The following MED23 variants were observed in gnomAD, a reference collection of about 807,000 sequenced individuals.
MED23 encodes mediator complex subunit 23.
A neutral mutation model predicts 163.9 loss-of-function variants in MED23; 105 were observed. The observed-to-expected ratio is 0.64, with a 90% CI of 0.55 to 0.75. MED23 has a LOEUF of 0.75. Among genes scored for constraint, MED23 ranks in the 30% least tolerant of loss-of-function variants. MED23 has a pLI of 0.00. For missense variants in MED23, 1,054 were observed against 1,649.0 expected, an observed-to-expected ratio of 0.64 and a Z score of 6.25; for synonymous variants, 561 against 565.6, an observed-to-expected ratio of 0.99 and a Z score of 0.12.
chr6:131,576,163 G>A (rs1001906565), intron 30 of MED23, among the ~76,000 whole-genome samples: 8 of 152,144 alleles, frequency 5.3e-5, no homozygotes, highest in Admixed American at 5.2e-4. Flanking sequence ...AGTGTTAAGG[G>A]CATCCTGTTT....
At chr6:131,603,229 T>A (rs757544386) in intron 15 of MED23, 25 bp from the exon 16 acceptor site, 1 of 1,608,840 alleles carries the variant, frequency 6.2e-7, no homozygotes, top group Non-Finnish European at 8.5e-7. Context: ...CAATTTAAGG[T>A]ACCAATTATT....
intron 11 of MED23, among the ~76,000 whole-genome samples, chr6:131,609,193 A>C (rs1776077166): frequency 6.6e-6 from 1 of 152,264 alleles, no homozygotes; most frequent in South Asian, 2.1e-4. Flanking sequence ...GCATTTTTCC[A>C]ACTTGCATAT....
chr6:131,586,875 T>C lies in MED23; in HGVS notation c.*804A>G. 6.9e-7 allele frequency: 1 copy of C among 1,454,530 alleles called. No individual in the cohort carries two copies. The highest frequency in any genetic ancestry group is 9.3e-7 in the Non-Finnish European group (1 of 1,075,590). 90.1% of individuals were successfully genotyped at this position (1,454,530 alleles called of 1,614,324 possible). On this transcript the variant is annotated 3_prime_UTR_variant, in exon 29 of 29. Transcript: ENST00000368068. ...GTGTACTGTATTTACAAATATAAAA[T>C]TTAAAAATTTTAAGATTATAAAAAT...
intron 13 of MED23, 106 bp downstream of exon 13, chr6:131,606,373 G>A: frequency 8.8e-7 from 1 of 1,136,688 alleles, no homozygotes; most frequent in Non-Finnish European, 1.3e-6. Flanking sequence ...CCTATAGTGG[G>A]TATGCGGAGA....
chr6:131,594,985 C>T (rs1030402794), intron 22 of MED23, among the ~76,000 whole-genome samples: 1 of 152,070 alleles, frequency 6.6e-6, no homozygotes, highest in Non-Finnish European at 1.5e-5. Context: ...TTACCTAATC[C>T]AAAAGAAAAA....
chr6:131,607,066 A>G (rs1242065718), intron 12 of MED23, among the ~76,000 whole-genome samples: 2 of 152,072 alleles, frequency 1.3e-5, no homozygotes, highest in South Asian at 2.1e-4. Context: ...AAATAATTAC[A>G]TTTAAACATA....
rs1776710348 is a variant in MED23, at chr6:131,616,643, A to AC, written c.781-642dup. 2.6e-5 allele frequency among the ~76,000 whole-genome samples: 4 copies of AC among 152,094 alleles called. No homozygotes were observed. The East Asian group carries it at 7.8e-4, about 29-fold the overall frequency. On this transcript the variant is annotated intron_variant, in intron 9 of 28. Coordinates refer to ENST00000368068, the MANE Select transcript of MED23 (RefSeq NM_004830.4). ...AGGCCAGCCTGGGCAATATGGCAAAACCCCATCTCTACAAAAAACACAAAA... is the reference window on the plus strand; with the variant it reads ...AGGCCAGCCTGGGCAATATGGCAAAACCCCCATCTCTACAAAAAACACAAAA...
chr6:131,598,232 A>T lies in MED23; in HGVS notation c.2607+55T>A. The T allele has an allele frequency of 6.7e-7, 1 of 1,502,264 alleles. No individual in the cohort carries two copies. Among genetic ancestry groups the T allele is most frequent in the East Asian group, 2.3e-5 (1 of 44,248 alleles). 93.1% of individuals were successfully genotyped at this position (1,502,264 alleles called of 1,614,324 possible). On this transcript the variant is annotated intron_variant, in intron 20 of 28. Coordinates refer to ENST00000368068, the MANE Select transcript of MED23 (RefSeq NM_004830.4). This position sits in a 1 kb window ranked among gnomAD's most constrained non-coding sequence, Gnocchi z 4.7. The stretch of plus-strand genomic sequence containing the variant: ...TATAGAGCAGATTGGCATAACATAT[A>T]TTAGTCATACATCTTGATCTAAGAG...
downstream of MED23, among the ~76,000 whole-genome samples, chr6:131,586,399 CAAAA>C (rs547558863): frequency 1.3e-5 from 1 of 74,784 alleles, no homozygotes; most frequent in African/African-American, 4.6e-5. Flanking sequence ...GACTCCGTCT[CAAAA>C]AAAAAAAAAA....
downstream of MED23, among the ~76,000 whole-genome samples, chr6:131,586,227 T>C (rs1424842161): frequency 6.6e-6 from 1 of 151,934 alleles, no homozygotes; most frequent in Non-Finnish European, 1.5e-5. Context: ...ACCCCGTCTC[T>C]ACTAATACTA....
chr6:131,620,449 C>T (rs1321502790), intron 7 of MED23, among the ~76,000 whole-genome samples, 179 bp downstream of exon 7: 2 of 152,036 alleles, frequency 1.3e-5, no homozygotes, highest in South Asian at 2.1e-4. Flanking sequence ...CTATGCCTGG[C>T]TAATATGTGT....
chr6:131,611,930 G>A (rs985825297), intron 10 of MED23, among the ~76,000 whole-genome samples: 4 of 151,998 alleles, frequency 2.6e-5, no homozygotes, highest in Admixed American at 6.6e-5. Context: ...AAAAAAACTG[G>A]ATTTTCACCT....
intron 10 of MED23, among the ~76,000 whole-genome samples, chr6:131,614,862 T>C (rs115568493): frequency 6.6e-6 from 1 of 151,884 alleles, no homozygotes; most frequent in Non-Finnish European, 1.5e-5. Context: ...CAAAGCAACA[T>C]AAGTATTTTT....
chr6:131,592,595 A>AT (rs1774726970), intron 24 of MED23, 135 bp from the exon 25 acceptor site: 3 of 772,702 alleles, frequency 3.9e-6, no homozygotes, highest in Non-Finnish European at 6.5e-6. Flanking sequence ...ACAATGGGGA[A>AT]TTTTTTATTG....
At chr6:131,591,636 C>T (rs1774645358) in intron 25 of MED23, 109 bp from the exon 26 acceptor site, 1 of 863,742 alleles carries the variant, frequency 1.2e-6, no homozygotes, top group Non-Finnish European at 1.9e-6. Flanking sequence ...ATTTTTCCAG[C>T]TTCTGCACAA....
rs375863590 is a variant in MED23, at chr6:131,591,564, T to C, written c.3472-37A>G. On this transcript the variant is annotated intron_variant, in intron 25 of 28. Transcript: ENST00000368068. ...GAGGAAAGCTAGTGAAAAATATCACTTATCCAGCATTCCACCCCAAAGTCT... is the reference window on the plus strand; with the variant it reads ...GAGGAAAGCTAGTGAAAAATATCACCTATCCAGCATTCCACCCCAAAGTCT... 15 of 1,437,770 alleles carry C rather than the reference T, an allele frequency of 1.0e-5. No homozygotes were observed. In the African/African-American group the frequency reaches 2.0e-4, roughly 19 times the overall value. The allele number at this position is 1,437,770 out of a possible 1,614,324, so 89.1% of individuals were successfully genotyped here.
At chr6:131,604,433 A>C (rs1775708009) in intron 14 of MED23, 113 bp from the exon 15 acceptor site, 1 of 1,200,588 alleles carries the variant, frequency 8.3e-7, no homozygotes, top group African/African-American at 1.5e-5. Context: ...ATTCAAATGA[A>C]GTTGATTCAT....
chr6:131,624,665 G>A (rs1777351743), intron 4 of MED23, among the ~76,000 whole-genome samples, 200 bp downstream of exon 4: 1 of 152,148 alleles, frequency 6.6e-6, no homozygotes, highest in Non-Finnish European at 1.5e-5. Context: ...AGAAACATCT[G>A]GTTTTGAGCC....
intron 11 of MED23, among the ~76,000 whole-genome samples, chr6:131,608,684 G>A (rs1776039796): frequency 6.6e-6 from 1 of 152,162 alleles, no homozygotes; most frequent in Admixed American, 6.5e-5. Flanking sequence ...GGGATTACAG[G>A]AGTGAGCCAC....
Sources: allele counts gnomAD v4.1 joint callset (sites outside exome capture counted in the v4.1 genomes callset), GRCh38; gene constraint gnomAD v4.1.1; non-coding constraint Gnocchi (gnomAD v3.1); transcripts MANE v1.5; gene names NCBI Gene and HGNC (gene_info 2026-07-23, HGNC 2026-07-21).